The following OXSR1 variants were observed in gnomAD, a reference collection of about 807,000 sequenced individuals.
OXSR1 encodes oxidative stress responsive kinase 1.
In OXSR1, 24 loss-of-function variants were observed where a neutral mutation model predicts 79.8. The observed-to-expected ratio is 0.30, with a 90% CI of 0.22 to 0.42. The LOEUF is 0.42. OXSR1 is among the 10% of genes least tolerant of loss of function. The pLI is 1.00. For missense variants in OXSR1, 430 were observed against 618.4 expected, an observed-to-expected ratio of 0.70 and a Z score of 3.23; for synonymous variants, 226 against 209.2, an observed-to-expected ratio of 1.08 and a Z score of -0.69.
At chr3:38,228,535 A>G (rs962506324) in intron 8 of OXSR1, among the ~76,000 whole-genome samples, 2 of 152,072 alleles carry the variant, frequency 1.3e-5, no homozygotes, top group Non-Finnish European at 2.9e-5. Flanking sequence ...ATTCTGCTTT[A>G]ATTGGTTTGA....
chr3:38,166,937 G>A (rs997297894), intron 1 of OXSR1, among the ~76,000 whole-genome samples: 1 of 152,166 alleles, frequency 6.6e-6, no homozygotes, highest in Non-Finnish European at 1.5e-5. Context: ...TAACATTTCA[G>A]TTGAGCCCTG....
At chr3:38,252,423 C>G (rs988276981) in intron 17 of OXSR1, 31 bp downstream of exon 17, 1 of 1,486,604 alleles carries the variant, frequency 6.7e-7, no homozygotes, top group Admixed American at 1.7e-5. Context: ...GTGAAAACAT[C>G]TTGCCTTTTA....
chr3:38,174,021 G>C (rs1357862348), intron 1 of OXSR1, among the ~76,000 whole-genome samples: 1 of 152,204 alleles, frequency 6.6e-6, no homozygotes, highest in Non-Finnish European at 1.5e-5. Context: ...GTTCCAAGCA[G>C]AGGACAACAA....
intron 1 of OXSR1, among the ~76,000 whole-genome samples, chr3:38,182,137 A>G (rs1479107562): frequency 6.6e-6 from 1 of 152,126 alleles, no homozygotes; most frequent in East Asian, 1.9e-4. Context: ...TTCAGTTTTC[A>G]GATCTCTTGG....
intron 10 of OXSR1, 28 bp downstream of exon 10, chr3:38,230,458 T>A: frequency 6.8e-7 from 1 of 1,474,148 alleles, no homozygotes; most frequent in Non-Finnish European, 9.5e-7. Flanking sequence ...TCAGTTTTCC[T>A]GAAGAATTTA....
At chr3:38,208,493 G>T (rs2125826649) in intron 4 of OXSR1, among the ~76,000 whole-genome samples, 1 of 152,200 alleles carries the variant, frequency 6.6e-6, no homozygotes, top group Middle Eastern at 3.4e-3. Flanking sequence ...CTTTTTCTTT[G>T]TAAGACTGAA....
chr3:38,222,762 G>A (rs1702614309), intron 6 of OXSR1, among the ~76,000 whole-genome samples: 1 of 152,058 alleles, frequency 6.6e-6, no homozygotes, highest in African/African-American at 2.4e-5. Context: ...TAGAAATTAA[G>A]GTGATAATAC....
intron 4 of OXSR1, 74 bp downstream of exon 4, chr3:38,198,937 C>T: frequency 1.6e-6 from 2 of 1,274,204 alleles, no homozygotes; most frequent in Non-Finnish European, 2.2e-6. Context: ...GAATCGTGAT[C>T]TCTGACTGTT....
At chr3:38,234,352 A>T (rs751889743) in intron 10 of OXSR1, among the ~76,000 whole-genome samples, 4 of 152,220 alleles carry the variant, frequency 2.6e-5, no homozygotes, top group Non-Finnish European at 5.9e-5. Context: ...AATCATATAT[A>T]TGATAAGGGA....
At chr3:38,210,406 T>C (rs186609401) in intron 4 of OXSR1, among the ~76,000 whole-genome samples, 1 of 152,288 alleles carries the variant, frequency 6.6e-6, no homozygotes, top group East Asian at 1.9e-4. Flanking sequence ...TAGGTTTTTG[T>C]TTAGGAGAAT....
intron 1 of OXSR1, among the ~76,000 whole-genome samples, chr3:38,167,922 A>G (rs1004616752): frequency 2.7e-5 from 4 of 147,992 alleles, no homozygotes; most frequent in Non-Finnish European, 4.5e-5. Flanking sequence ...TAGTGTATCC[A>G]TCTTTCTAGG....
At chr3:38,215,232 C>T (rs1238065553) in intron 4 of OXSR1, among the ~76,000 whole-genome samples, 1 of 152,166 alleles carries the variant, frequency 6.6e-6, no homozygotes, top group Non-Finnish European at 1.5e-5. Context: ...TGTTGATTGA[C>T]ATTATTTCAT....
rs1233855565 is a variant in OXSR1, at chr3:38,254,583, T to G, written c.*1692T>G. 2.7e-5 allele frequency: 7 copies of G among 261,728 alleles called. No homozygotes were observed. The highest frequency in any genetic ancestry group is 1.5e-4 in the African/African-American group (7 of 45,574). The allele number at this position is 261,728 out of a possible 1,614,324, so 16.2% of individuals were successfully genotyped here. ...ATTGACCAGCTTGCTAGAAAAATACTTAGCTTTTCTTTTTCTTTTTTTGTG... is the reference window on the plus strand; with the variant it reads ...ATTGACCAGCTTGCTAGAAAAATACGTAGCTTTTCTTTTTCTTTTTTTGTG... On this transcript the variant is annotated 3_prime_UTR_variant, in exon 18 of 18. Transcript: ENST00000311806.
intron 4 of OXSR1, among the ~76,000 whole-genome samples, chr3:38,213,197 C>G (rs145834924): frequency 6.6e-6 from 1 of 152,104 alleles, no homozygotes; most frequent in Non-Finnish European, 1.5e-5. Flanking sequence ...GTGTATGGTA[C>G]AAAATAAGTC....
At chr3:38,169,461 A>G (rs963590532) in intron 1 of OXSR1, among the ~76,000 whole-genome samples, 12 of 152,048 alleles carry the variant, frequency 7.9e-5, no homozygotes, top group African/African-American at 2.9e-4. Context: ...GCCTGCCACC[A>G]TGCCCAGCTA....
At chr3:38,181,882 T>C (rs1701794121) in intron 1 of OXSR1, among the ~76,000 whole-genome samples, 1 of 151,956 alleles carries the variant, frequency 6.6e-6, no homozygotes, top group African/African-American at 2.4e-5. Flanking sequence ...TAGGAGACTT[T>C]TTTTGTTTTA....
chr3:38,216,027 A>G (rs567077906), intron 4 of OXSR1, 69 bp from the exon 5 acceptor site: 124 of 926,410 alleles, frequency 1.3e-4, no homozygotes, highest in Middle Eastern at 3.2e-4. Flanking sequence ...ATAGTAAACA[A>G]TTGCTTAAAT....
At chr3:38,224,351 A>T (rs1702646491) in intron 7 of OXSR1, among the ~76,000 whole-genome samples, 1 of 152,226 alleles carries the variant, frequency 6.6e-6, no homozygotes, top group East Asian at 1.9e-4. Flanking sequence ...AATAATATCC[A>T]TTGCGTGTGT....
intron 3 of OXSR1, among the ~76,000 whole-genome samples, chr3:38,198,286 C>G (rs925521903): frequency 6.6e-6 from 1 of 152,002 alleles, no homozygotes; most frequent in Non-Finnish European, 1.5e-5. Context: ...TGATCCTTAC[C>G]CTCCAAGTAT....
Sources: gnomAD v4.1 joint callset for allele counts (sites outside exome capture counted in the v4.1 genomes callset) on GRCh38, gnomAD v4.1.1 for gene constraint, MANE v1.5 for transcripts, NCBI Gene and HGNC (gene_info 2026-07-23, HGNC 2026-07-21) for gene names.